FAM228B: variants seen among roughly 807,000 people sequenced by gnomAD.
The protein encoded by FAM228B is protein FAM228B.
Under a neutral mutation model 42.6 loss-of-function variants are expected in FAM228B, and 38 were observed. The observed-to-expected ratio is 0.89, with a 90% CI of 0.69 to 1.17. FAM228B has a LOEUF of 1.17. Among genes scored for constraint, FAM228B ranks in the 50% most tolerant of loss-of-function variants. The pLI is 0.00. For missense variants in FAM228B, 344 were observed against 367.3 expected, an observed-to-expected ratio of 0.94 and a Z score of 0.52; for synonymous variants, 109 against 122.3, an observed-to-expected ratio of 0.89 and a Z score of 0.72.
At chr2:24,117,604 A>C (rs1442540531) in intron 3 of FAM228B, among the ~76,000 whole-genome samples, 2 of 151,824 alleles carry the variant, frequency 1.3e-5, no homozygotes, top group African/African-American at 4.8e-5. Context: ...CACCACACCC[A>C]GCTAATTTTT....
chr2:24,164,304 C>G lies in FAM228B; in HGVS notation c.901C>G (p.Leu301Val), dbSNP rs1667347073. 1 of 1,550,796 alleles carries G rather than the reference C, an allele frequency of 6.4e-7. No homozygotes were observed. Among genetic ancestry groups the G allele is most frequent in the Admixed American group, 2.0e-5 (1 of 50,952 alleles). The change falls in exon 9 of 11, where the codon CTC becomes GTC. Residue 301 changes from leucine (L) to valine (V), a missense_variant. Coordinates refer to ENST00000615575, the MANE Select transcript of FAM228B (RefSeq NM_001145710.2). ...ISEGYFSSLSLSQEREEDQDG... is the reference protein window; with the variant it reads ...ISEGYFSSLSVSQEREEDQDG... ...TGAAGGGTATTTTTCTTCCTTGAGC[C>G]TCAGCCAGGAACGGGAGGAAGACCA...
At chr2:24,100,267 A>T (rs1449512241) in intron 3 of FAM228B, among the ~76,000 whole-genome samples, 10 of 152,196 alleles carry the variant, frequency 6.6e-5, no homozygotes, top group Admixed American at 1.3e-4. Flanking sequence ...AATTGACAAA[A>T]GGGATCTAAT....
At chr2:24,148,265 G>A (rs576744708) in intron 7 of FAM228B, among the ~76,000 whole-genome samples, 1 of 152,128 alleles carries the variant, frequency 6.6e-6, no homozygotes, top group African/African-American at 2.4e-5. Flanking sequence ...AAGTGGAGGG[G>A]TATTCTCTCC....
At position 24,095,117 on chromosome 2, in the gene FAM228B, A is replaced by C. The variant is rs1665469860; in HGVS notation, c.-209-24A>C. The C allele has an allele frequency of 6.6e-6, 1 of 152,216 alleles. No homozygotes were observed. Among genetic ancestry groups the C allele is most frequent in the African/African-American group, 2.4e-5 (1 of 41,440 alleles). The allele number at this position is 152,216 out of a possible 1,614,324, so 9.4% of individuals were successfully genotyped here. A position where few individuals can be genotyped will look rare whatever the true frequency, so the allele number is the denominator to read the frequency against. On this transcript the variant is annotated intron_variant, in intron 2 of 10. Coordinates refer to the FAM228B transcript ENST00000613899. The surrounding 1 kb of genome is among the most constrained non-coding windows in gnomAD (Gnocchi z 4.8). ...TTATTAATATAATCATCCACTAAGA[A>C]AGACCCAAACTCTTCTTTAACAGTT...
chr2:24,131,295 TG>T (rs199716658), intron 2 of FAM228B, among the ~76,000 whole-genome samples: 2,056 of 152,328 alleles, frequency 0.013, 24 homozygotes, highest in Non-Finnish European at 0.022. Context: ...TGCTTAGGAT[TG>T]TCTGGGCTAT....
At chr2:24,116,917 AC>A (rs1484763813) in intron 3 of FAM228B, among the ~76,000 whole-genome samples, 5 of 151,906 alleles carry the variant, frequency 3.3e-5, no homozygotes, top group African/African-American at 1.2e-4. Flanking sequence ...CACAAAATAA[AC>A]AAAAAACAAC....
chr2:24,110,631 T>C (rs1469346649), intron 3 of FAM228B, among the ~76,000 whole-genome samples: 1 of 152,212 alleles, frequency 6.6e-6, no homozygotes, highest in East Asian at 1.9e-4. Context: ...GGAAGTTCTG[T>C]GCCCCCGCCC....
chr2:24,141,830 C>T (rs1666755747), intron 5 of FAM228B, among the ~76,000 whole-genome samples: 1 of 152,142 alleles, frequency 6.6e-6, no homozygotes, highest in South Asian at 2.1e-4. Context: ...GTTGTACAGT[C>T]ATGCTGTGGG....
chr2:24,096,575 G>A (rs1234173277), intron 3 of FAM228B: 1 of 152,092 alleles, frequency 6.6e-6, no homozygotes, highest in Non-Finnish European at 1.5e-5. Flanking sequence ...AATAAGACAA[G>A]GTTACAGGAA....
chr2:24,115,319 G>A, intron 3 of FAM228B: 2 of 441,852 alleles, frequency 4.5e-6, no homozygotes, highest in Non-Finnish European at 8.3e-6. Context: ...CTCACAGAAA[G>A]GAGCCTCCCA....
At chr2:24,144,119 T>C (rs897779383) in intron 5 of FAM228B, among the ~76,000 whole-genome samples, 10 of 152,166 alleles carry the variant, frequency 6.6e-5, no homozygotes, top group African/African-American at 2.4e-4. Flanking sequence ...AAACTTTAGA[T>C]TGTTGTTTGT....
At chr2:24,167,361 G>T (rs953222199) in intron 9 of FAM228B, among the ~76,000 whole-genome samples, 7 of 152,158 alleles carry the variant, frequency 4.6e-5, no homozygotes, top group African/African-American at 1.7e-4. Flanking sequence ...AGGGAGAGAA[G>T]TGCAGAAGTG....
chr2:24,135,013 T>C (rs892068812), intron 2 of FAM228B, 106 bp from the exon 3 acceptor site: 2 of 715,436 alleles, frequency 2.8e-6, no homozygotes, highest in Non-Finnish European at 2.4e-6. Context: ...ACTGCATGCA[T>C]AGAGAACTTT....
At chr2:24,134,587 C>T (rs1481258090) in intron 2 of FAM228B, among the ~76,000 whole-genome samples, 2 of 152,208 alleles carry the variant, frequency 1.3e-5, no homozygotes, top group Non-Finnish European at 2.9e-5. Context: ...CATTTTGGGA[C>T]TCAAAGTGTC....
At chr2:24,144,638 A>T (rs1666850402) in intron 5 of FAM228B, among the ~76,000 whole-genome samples, 2 of 152,154 alleles carry the variant, frequency 1.3e-5, no homozygotes, top group Admixed American at 6.5e-5. Flanking sequence ...CTGCCCGGAG[A>T]TGGAGAGGGC....
intron 7 of FAM228B, among the ~76,000 whole-genome samples, chr2:24,155,492 T>C (rs1487510027): frequency 7.1e-6 from 1 of 140,178 alleles, no homozygotes; most frequent in African/African-American, 2.6e-5. Flanking sequence ...CCAGAAGTCA[T>C]TGAAGACCAT....
chr2:24,089,342 C>A (rs536089571), intron 2 of FAM228B, among the ~76,000 whole-genome samples: 11 of 152,078 alleles, frequency 7.2e-5, no homozygotes, highest in African/African-American at 2.7e-4. Context: ...AAAGGAGATA[C>A]AACCACAGAT....
rs148371576 is a variant in FAM228B, at chr2:24,099,223, A to G, written c.-121+3994A>G. Among the ~76,000 whole-genome samples the G allele has an allele frequency of 2.0e-4, 30 of 152,194 alleles. No individual in the cohort carries two copies. The East Asian group carries it at 5.8e-3, about 29-fold the overall frequency. On this transcript the variant is annotated intron_variant, in intron 3 of 10. Coordinates refer to the FAM228B transcript ENST00000613899. ...AGCATTCCCTTTGAAAACTGGCATA[A>G]GACAAGGATTCCACTCCTACGCAAC...
intron 3 of FAM228B, among the ~76,000 whole-genome samples, chr2:24,101,962 G>A (rs958064347): frequency 1.3e-5 from 2 of 152,286 alleles, no homozygotes; most frequent in African/African-American, 2.4e-5. Flanking sequence ...GATTACAGGC[G>A]TGAGCTACCG....
Sources: gnomAD v4.1 joint callset for allele counts (sites outside exome capture counted in the v4.1 genomes callset) on GRCh38, gnomAD v4.1.1 for gene constraint, Gnocchi (gnomAD v3.1) non-coding constraint, MANE v1.5 for transcripts, NCBI Gene and HGNC (gene_info 2026-07-23, HGNC 2026-07-21) for gene names.